SCN8A: variants seen among roughly 807,000 people sequenced by gnomAD.
SCN8A encodes sodium channel protein type 8 subunit alpha.
Under a neutral mutation model 184.1 loss-of-function variants are expected in SCN8A, and 30 were observed. The ratio of observed to expected loss-of-function variants is 0.16; its 90% CI spans 0.12 to 0.22. SCN8A has a LOEUF of 0.22. Ranked by LOEUF, SCN8A falls within the 10% of genes least tolerant of loss-of-function variation. The pLI is 1.00. For missense variants in SCN8A, 1,057 were observed against 2,498.9 expected (o/e 0.42, Z 12.30); for synonymous variants, 852 against 907.0 (o/e 0.94, Z 1.09).
chr12:51,728,792 T>C (rs2138795671), intron 12 of SCN8A, among the ~76,000 whole-genome samples: 1 of 151,822 alleles, frequency 6.6e-6, no homozygotes, highest in East Asian at 1.9e-4. Context: ...ACTGACAGCT[T>C]TCCTTAATTT....
intron 25 of SCN8A, among the ~76,000 whole-genome samples, chr12:51,794,134 A>C (rs1938344191): frequency 6.6e-6 from 1 of 152,194 alleles, no homozygotes; most frequent in African/African-American, 2.4e-5. Flanking sequence ...CAACAGAATG[A>C]GACTGTGTCT....
intron 26 of SCN8A, among the ~76,000 whole-genome samples, chr12:51,804,206 C>G (rs185140741): frequency 6.6e-6 from 1 of 152,190 alleles, no homozygotes; most frequent in Non-Finnish European, 1.5e-5. Flanking sequence ...TGAGGTGAAT[C>G]CCTGGACGAA....
intron 24 of SCN8A, among the ~76,000 whole-genome samples, chr12:51,789,763 C>T (rs1055132070): frequency 7.9e-5 from 12 of 152,212 alleles, no homozygotes; most frequent in African/African-American, 2.7e-4. Context: ...TAGAAACTGT[C>T]TAGACTTGTG....
chr12:51,679,083 AAT>A, intron 2 of SCN8A, among the ~76,000 whole-genome samples: 3 of 47,162 alleles, frequency 6.4e-5, no homozygotes, highest in African/African-American at 1.4e-4. Context: ...CTCCAAAAAA[AAT>A]AAAAAAATAA....
intron 2 of SCN8A, among the ~76,000 whole-genome samples, chr12:51,670,726 CT>C (rs1300522628): frequency 1.3e-5 from 2 of 151,978 alleles, no homozygotes; most frequent in Non-Finnish European, 2.9e-5. Flanking sequence ...TAATGAAGGT[CT>C]GAGTTACAGT....
chr12:51,662,488 T>G (rs576068010), intron 1 of SCN8A, among the ~76,000 whole-genome samples: 1 of 152,292 alleles, frequency 6.6e-6, no homozygotes, highest in East Asian at 1.9e-4. Flanking sequence ...GGGAGTAGAA[T>G]ATATCCTTTT....
Position 51,769,063 on chromosome 12 carries a change from C to G in SCN8A, c.3100C>G (p.Leu1034Val). ...KQREADEVKP[L>V]DELYEKKANC... Reference sequence around the variant, plus strand: ...GCGTGAGGCTGATGAGGTGAAGCCTCTGGATGAGTTGTATGAAAAGAAGGC... The same window carrying G: ...GCGTGAGGCTGATGAGGTGAAGCCTGTGGATGAGTTGTATGAAAAGAAGGC... Residue 1034 changes from leucine to valine, a missense_variant, in exon 17 of 27, where the codon CTG becomes GTG. Physicochemically the swap from Leu to Val is conservative, Grantham distance 32. Coordinates refer to ENST00000627620, the MANE Select transcript of SCN8A (RefSeq NM_001330260.2). 1 of 1,614,006 alleles carries G rather than the reference C, an allele frequency of 6.2e-7. No homozygotes were observed. Among genetic ancestry groups the G allele is most frequent in the Non-Finnish European group, 8.5e-7 (1 of 1,179,888 alleles).
intron 1 of SCN8A, among the ~76,000 whole-genome samples, chr12:51,646,009 TA>T (rs11307011): frequency 0.92 from 113,426 of 123,498 alleles, 52,303 homozygotes; most frequent in Non-Finnish European, 0.98. Flanking sequence ...AAGATAAAAG[TA>T]AAAAAAAAAA....
intron 13 of SCN8A, among the ~76,000 whole-genome samples, chr12:51,750,270 G>A (rs1942576086): frequency 6.6e-6 from 1 of 152,054 alleles, no homozygotes; most frequent in Admixed American, 6.6e-5. Context: ...ATGTATTGGG[G>A]GTCATGTGAG....
chr12:51,756,835 G>A (rs766574470), intron 14 of SCN8A, among the ~76,000 whole-genome samples: 3 of 152,212 alleles, frequency 2.0e-5, no homozygotes, highest in Non-Finnish European at 4.4e-5. Flanking sequence ...TCAGGAGGAA[G>A]GGGATGGAAA....
chr12:51,664,935 ATGTG>A (rs1941003414), intron 2 of SCN8A, among the ~76,000 whole-genome samples: 1 of 151,878 alleles, frequency 6.6e-6, no homozygotes, highest in Admixed American at 6.6e-5. Context: ...CCATGTGTCC[ATGTG>A]TTCTCATGAT....
intron 12 of SCN8A, among the ~76,000 whole-genome samples, chr12:51,733,186 G>A (rs1942271248): frequency 1.3e-5 from 2 of 152,138 alleles, no homozygotes; most frequent in Non-Finnish European, 2.9e-5. Context: ...TATTAGCTGA[G>A]AGTCTGTCAT....
At chr12:51,753,461 G>A (rs1425358321) in intron 14 of SCN8A, among the ~76,000 whole-genome samples, 1 of 152,234 alleles carries the variant, frequency 6.6e-6, no homozygotes, top group Admixed American at 6.5e-5. Flanking sequence ...GACATATTAA[G>A]TGTCTATTCA....
chr12:51,721,122 TTA>T (rs571819139), intron 11 of SCN8A, among the ~76,000 whole-genome samples: 109 of 106,086 alleles, frequency 1.0e-3, no homozygotes, highest in African/African-American at 4.4e-3. Flanking sequence ...TTATTTATTG[TTA>T]TATATATAAT....
chr12:51,667,898 A>T (rs1324131824), intron 2 of SCN8A, among the ~76,000 whole-genome samples: 1 of 152,196 alleles, frequency 6.6e-6, no homozygotes, highest in African/African-American at 2.4e-5. Context: ...AAAAAATTAT[A>T]TATGGCCGGG....
rs1938882658 is a variant in SCN8A at position 51,811,191 on chromosome 12, T to G, written c.*3762T>G. 2 of 152,104 alleles carry G rather than the reference T, an allele frequency of 1.3e-5. No homozygotes were observed. The highest frequency in any genetic ancestry group is 6.5e-5 in the Admixed American group (1 of 15,272). 9.4% of individuals were successfully genotyped at this position (152,104 alleles called of 1,614,324 possible). Reference sequence around the variant, plus strand: ...TCTGGGAATTGGGACCTTAGCACATTTGGGGAAAGGAGGGGAATAGAGGGA... The same window carrying G: ...TCTGGGAATTGGGACCTTAGCACATGTGGGGAAAGGAGGGGAATAGAGGGA... On this transcript the variant is annotated 3_prime_UTR_variant, in exon 27 of 27. Coordinates refer to ENST00000627620, the MANE Select transcript of SCN8A (RefSeq NM_001330260.2).
At chr12:51,760,726 AT>A (rs1397255609) in intron 14 of SCN8A, among the ~76,000 whole-genome samples, 1 of 152,160 alleles carries the variant, frequency 6.6e-6, no homozygotes, top group African/African-American at 2.4e-5. Context: ...CTTAACTTGT[AT>A]TATGAACTTT....
chr12:51,780,587 T>TG, intron 20 of SCN8A, 62 bp from the exon 21 acceptor site: 1 of 324,638 alleles, frequency 3.1e-6, no homozygotes, highest in Non-Finnish European at 5.1e-6. Flanking sequence ...TTTTTTTTTT[T>TG]TTTTTTTTTT....
intron 12 of SCN8A, among the ~76,000 whole-genome samples, chr12:51,731,056 T>A (rs1942232907): frequency 6.6e-6 from 1 of 152,198 alleles, no homozygotes; most frequent in Non-Finnish European, 1.5e-5. Context: ...AGTCTTTTTT[T>A]ATGTCTGAAT....
Sources: allele counts gnomAD v4.1 joint callset (sites outside exome capture counted in the v4.1 genomes callset), GRCh38; gene constraint gnomAD v4.1.1; transcripts MANE v1.5; gene names NCBI Gene and HGNC (gene_info 2026-07-23, HGNC 2026-07-21).